GBE1: variants seen among roughly 807,000 people sequenced by gnomAD.
GBE1 encodes 1,4-alpha-glucan-branching enzyme.
Under a neutral mutation model 88.8 loss-of-function variants are expected in GBE1, and 70 were observed. The observed-to-expected ratio is 0.79, with a 90% CI of 0.65 to 0.96. GBE1 has a LOEUF of 0.96. Ranked by LOEUF, GBE1 falls within the 40% of genes least tolerant of loss-of-function variation. The pLI is 0.00. For synonymous variants in GBE1, 284 were observed against 300.1 expected, an observed-to-expected ratio of 0.95 and a Z score of 0.56; for missense variants, 872 against 871.0, an observed-to-expected ratio of 1.00 and a Z score of -0.01.
At chr3:81,739,844 A>G (rs1055412510) in intron 1 of GBE1, among the ~76,000 whole-genome samples, 1 of 152,148 alleles carries the variant, frequency 6.6e-6, no homozygotes, top group Non-Finnish European at 1.5e-5. Flanking sequence ...TTTTTAACCA[A>G]AAACACATAT....
chr3:81,745,165 C>G (rs911621367), intron 1 of GBE1, among the ~76,000 whole-genome samples: 1 of 152,062 alleles, frequency 6.6e-6, no homozygotes, highest in African/African-American at 2.4e-5. Context: ...AAATCTGCAA[C>G]AGTAAAACTC....
At chr3:81,637,743 T>C (rs1704610698) in intron 7 of GBE1, among the ~76,000 whole-genome samples, 1 of 152,160 alleles carries the variant, frequency 6.6e-6, no homozygotes, top group Non-Finnish European at 1.5e-5. Flanking sequence ...TTTTAAATAA[T>C]CTTGCTAATC....
chr3:81,673,389 G>C (rs74769457), intron 2 of GBE1, among the ~76,000 whole-genome samples: 5 of 151,628 alleles, frequency 3.3e-5, no homozygotes, highest in Non-Finnish European at 1.5e-5. Context: ...CTCTAAATTC[G>C]TCATATCTCA....
intron 3 of GBE1, among the ~76,000 whole-genome samples, chr3:81,670,185 C>A (rs1250027028): frequency 2.6e-5 from 4 of 152,126 alleles, no homozygotes; most frequent in African/African-American, 9.7e-5. Flanking sequence ...TTCAGACATC[C>A]CTTGATGAGA....
intron 3 of GBE1, among the ~76,000 whole-genome samples, chr3:81,657,905 G>C (rs1704965357): frequency 6.6e-6 from 1 of 152,090 alleles, no homozygotes; most frequent in Non-Finnish European, 1.5e-5. Context: ...TGGATAGAGA[G>C]AGATTAAATG....
chr3:81,561,731 T>C (rs1703420127), intron 12 of GBE1, among the ~76,000 whole-genome samples: 1 of 152,028 alleles, frequency 6.6e-6, no homozygotes, highest in Non-Finnish European at 1.5e-5. Flanking sequence ...GCCAATCTCC[T>C]GCAAAACCCT....
At chr3:81,708,775 G>GTT (rs1292912090) in intron 1 of GBE1, among the ~76,000 whole-genome samples, 2 of 151,862 alleles carry the variant, frequency 1.3e-5, no homozygotes, top group Non-Finnish European at 2.9e-5. Flanking sequence ...TGCAACAATG[G>GTT]GAAACTAGGT....
intron 12 of GBE1, among the ~76,000 whole-genome samples, chr3:81,574,682 C>A (rs529072085): frequency 6.6e-6 from 1 of 152,228 alleles, no homozygotes; most frequent in Non-Finnish European, 1.5e-5. Context: ...TCTGGTTGTG[C>A]AAACTGAGGC....
chr3:81,663,610 C>T (rs1052755721), intron 3 of GBE1, among the ~76,000 whole-genome samples: 6 of 152,132 alleles, frequency 3.9e-5, no homozygotes, highest in Non-Finnish European at 8.8e-5. Flanking sequence ...GGCAAGAACC[C>T]GGGATACAGA....
chr3:81,617,425 G>A (rs534889248), intron 7 of GBE1, among the ~76,000 whole-genome samples: 62 of 151,896 alleles, frequency 4.1e-4, no homozygotes, highest in Middle Eastern at 6.8e-3. Flanking sequence ...CTATTACTCT[G>A]AGCCATTTTA....
chr3:81,598,838 T>A (rs1703993387), intron 7 of GBE1, among the ~76,000 whole-genome samples: 1 of 151,844 alleles, frequency 6.6e-6, no homozygotes, highest in African/African-American at 2.4e-5. Flanking sequence ...AATTTCAGAA[T>A]GTAGGTAATT....
intron 7 of GBE1, 132 bp downstream of exon 7, chr3:81,642,649 C>T (rs1319793492): frequency 6.2e-6 from 4 of 647,492 alleles, no homozygotes; most frequent in African/African-American, 3.7e-5. Flanking sequence ...ATCCCCTGTA[C>T]AACAAAAATA....
At chr3:81,639,177 T>C (rs1704633648) in intron 7 of GBE1, among the ~76,000 whole-genome samples, 1 of 152,164 alleles carries the variant, frequency 6.6e-6, no homozygotes, top group South Asian at 2.1e-4. Context: ...AAGGATTGGG[T>C]TATGTATTTC....
intron 2 of GBE1, among the ~76,000 whole-genome samples, chr3:81,700,745 T>C (rs1705675830): frequency 6.6e-6 from 1 of 152,176 alleles, no homozygotes; most frequent in Admixed American, 6.6e-5. Context: ...AACTTCTTCT[T>C]GCTATCTTTC....
intron 7 of GBE1, among the ~76,000 whole-genome samples, chr3:81,608,424 C>T (rs1704131257): frequency 6.6e-6 from 1 of 152,154 alleles, no homozygotes; most frequent in Non-Finnish European, 1.5e-5. Context: ...TTTAGGAAAG[C>T]CGCTTATTTG....
chr3:81,573,126 A>G (rs1045017179), intron 12 of GBE1, among the ~76,000 whole-genome samples: 1 of 152,222 alleles, frequency 6.6e-6, no homozygotes, highest in African/African-American at 2.4e-5. Context: ...ATAACCATTA[A>G]TACTAGTTCT....
In GBE1 at chr3:81,648,142, T is replaced by C. The variant is rs183163042; in HGVS notation, c.691+714A>G. ...TTAACCATGCCTTACAAACCTTTCT[T>C]CTAGCCAAAATTTGGACTCTCTAGC... On this transcript the variant is annotated intron_variant, in intron 5 of 15. Transcript: ENST00000429644. Among the ~76,000 whole-genome samples the C allele has an allele frequency of 2.6e-3, 398 of 152,228 alleles. 2 individuals are homozygous for C. The highest frequency in any genetic ancestry group is 4.4e-3 in the South Asian group (21 of 4,822).
chr3:81,702,640 T>C (rs1399844012), intron 2 of GBE1, among the ~76,000 whole-genome samples: 3 of 151,998 alleles, frequency 2.0e-5, no homozygotes, highest in African/African-American at 2.4e-5. Flanking sequence ...ATGAATGTTA[T>C]CACAAGGATA....
In GBE1 at chr3:81,591,108, C is replaced by A. The variant is rs548693970; in HGVS notation, c.1165G>T (p.Ala389Ser). The A allele has an allele frequency of 5.0e-6, 8 of 1,608,484 alleles. No homozygotes were observed. In the South Asian group the frequency reaches 8.9e-5, roughly 18 times the overall value. Residue 389 changes from alanine (A) to serine (S), a missense_variant, in exon 9 of 16, where the codon GCC becomes TCC. Physicochemically the swap from Ala to Ser is moderately conservative, Grantham distance 99. Transcript: ENST00000429644. ...EYFGLQVDED[A>S]LTYLMLANHL... ...TTTGCCAACATGAGGTAAGTCAAGG[C>A]ATCTTCATCTACTTGTAGTCCGAAA...
Sources: gnomAD v4.1 joint callset for allele counts (sites outside exome capture counted in the v4.1 genomes callset) on GRCh38, gnomAD v4.1.1 for gene constraint, MANE v1.5 for transcripts, NCBI Gene and HGNC (gene_info 2026-07-23, HGNC 2026-07-21) for gene names.